DNAH8: variants seen among roughly 807,000 people sequenced by gnomAD.
The protein encoded by DNAH8 is axonemal beta dynein heavy chain 8.
Under a neutral mutation model 562.1 loss-of-function variants are expected in DNAH8, and 382 were observed. The ratio of observed to expected loss-of-function variants is 0.68; its 90% confidence interval spans 0.63 to 0.74. DNAH8 has a LOEUF of 0.74. Ranked by LOEUF, DNAH8 falls within the 30% of genes least tolerant of loss-of-function variation. The probability of loss-of-function intolerance (pLI) is 0.00; values close to 1 mark genes in which losing one functional copy is unlikely to be tolerated. For synonymous variants in DNAH8, 1,881 were observed against 1,919.4 expected, an observed-to-expected ratio of 0.98 and a Z score of 0.52; for missense variants, 5,203 against 5,620.4, an observed-to-expected ratio of 0.93 and a Z score of 2.37.
Position 38,830,030 on chromosome 6 carries a change from C to A in DNAH8, c.4188+1742C>A, listed in dbSNP as rs959498910. 5.9e-5 allele frequency among the ~76,000 whole-genome samples: 9 copies of A among 152,232 alleles called. 2 individuals are homozygous for A. The Middle Eastern group carries it at 0.017, about 288-fold the overall frequency. On this transcript the variant is annotated intron_variant, in intron 30 of 92. Transcript: ENST00000327475. ...CATTCCTAATTTTAGTAATTTGCAT[C>A]TTCTCTCCTTTATTCTTACTTAGTT...
In DNAH8 at chr6:38,815,645, A is replaced by G; in HGVS notation, c.3511A>G (p.Lys1171Glu). 1.2e-6 allele frequency: 2 copies of G among 1,612,190 alleles called. No homozygotes were observed. The highest frequency in any genetic ancestry group is 1.7e-6 in the Non-Finnish European group (2 of 1,178,744). Residue 1171 changes from lysine to glutamate, a missense_variant, in exon 26 of 93, where the codon AAG (lysine) becomes GAG (glutamate). Lys to Glu is a moderately conservative substitution (Grantham distance 56, BLOSUM62 1). This residue lies in a region of DNAH8 where 2,176 missense variants were observed against 2,365.1 expected (regional missense o/e 0.92). Transcript: ENST00000327475. ...VTHQNTGKLL[K>E]KEERSFEEAI... ...CCATCAAAACACAGGAAAACTGCTG[A>G]AGAAGGAAGAAAGTAAGAATGTAAA... is the stretch of plus-strand genomic sequence containing the variant.
chr6:38,722,330 C>A (rs72856596), intron 1 of DNAH8, among the ~76,000 whole-genome samples: 24,931 of 152,194 alleles, frequency 0.16, 2,677 homozygotes, highest in Middle Eastern at 0.28. Context: ...AAGCAAGGAA[C>A]CTTTAGAGTT....
At chr6:38,996,773 GGTGT>G (rs1765159334) in intron 88 of DNAH8, among the ~76,000 whole-genome samples, 1 of 152,168 alleles carries the variant, frequency 6.6e-6, no homozygotes, top group South Asian at 2.1e-4. Flanking sequence ...GCTGCAAACT[GGTGT>G]GTTAGAGAGG....
intron 11 of DNAH8, among the ~76,000 whole-genome samples, chr6:38,762,198 C>T (rs894853883): frequency 6.6e-6 from 1 of 152,088 alleles, no homozygotes; most frequent in Non-Finnish European, 1.5e-5. Context: ...TCTAACGTTT[C>T]CCCCATTTAG....
chr6:38,904,578 G>A (rs1214077942), intron 62 of DNAH8, among the ~76,000 whole-genome samples: 1 of 151,972 alleles, frequency 6.6e-6, no homozygotes, highest in Admixed American at 6.6e-5. Flanking sequence ...ATCACCTGAG[G>A]TGAGGAGTTC....
chr6:38,924,665 T>C (rs1781970345), intron 73 of DNAH8, among the ~76,000 whole-genome samples: 1 of 152,212 alleles, frequency 6.6e-6, no homozygotes, highest in South Asian at 2.1e-4. Flanking sequence ...CCAATTGCAT[T>C]GCTATGAACT....
At chr6:38,954,192 G>C (rs1275791964) in intron 82 of DNAH8, among the ~76,000 whole-genome samples, 1 of 152,126 alleles carries the variant, frequency 6.6e-6, no homozygotes, top group Non-Finnish European at 1.5e-5. Flanking sequence ...AAAGCAGATG[G>C]GTTTAGCACG....
In DNAH8 at chr6:38,814,052, A is replaced by G; in HGVS notation, c.3258-2A>G. ...ATCAGCTAAATGTCCATCTCATTGC[A>G]GCCTTTATGGGCGAAAGCAGTCAGA... On this transcript the variant is annotated splice_acceptor_variant, in intron 24 of 92. Coordinates refer to ENST00000327475, the MANE Select transcript of DNAH8 (RefSeq NM_001206927.2). LOFTEE classifies it high-confidence loss of function. 1 of 1,585,306 alleles carries G rather than the reference A, an allele frequency of 6.3e-7. No homozygotes were observed. Among genetic ancestry groups the G allele is most frequent in the Non-Finnish European group, 8.6e-7 (1 of 1,156,842 alleles).
chr6:38,969,169 T>C lies in DNAH8; in HGVS notation c.12452-2423T>C, dbSNP rs141978354. Among the ~76,000 whole-genome samples the C allele has an allele frequency of 3.5e-4, 53 of 152,284 alleles. 1 individual carries two copies. The East Asian group carries it at 0.01, about 29-fold the overall frequency. ...TTTCTTTTGGGGTTGATGAAAATGTTCTGGAATTAGATGATTTGATAGTAG... is the reference window on the plus strand; with the variant it reads ...TTTCTTTTGGGGTTGATGAAAATGTCCTGGAATTAGATGATTTGATAGTAG... On this transcript the variant is annotated intron_variant, in intron 82 of 92. Transcript: ENST00000327475.
intron 72 of DNAH8, 121 bp from the exon 73 acceptor site, chr6:38,923,870 C>A: frequency 8.8e-7 from 1 of 1,136,366 alleles, no homozygotes; most frequent in Admixed American, 2.2e-5. Flanking sequence ...TGCCTGGCTA[C>A]CAAGCATTAA....
chr6:38,833,908 A>C (rs1214454411), intron 31 of DNAH8, among the ~76,000 whole-genome samples: 1 of 152,214 alleles, frequency 6.6e-6, no homozygotes, highest in Non-Finnish European at 1.5e-5. Context: ...AATATACTTA[A>C]TAGCCTTCAT....
At chr6:38,938,352 A>G in intron 78 of DNAH8, 126 bp downstream of exon 78, 1 of 1,100,800 alleles carries the variant, frequency 9.1e-7, no homozygotes, top group South Asian at 1.5e-5. Context: ...AATGCCCATC[A>G]ACAGTAGAGT....
At chr6:38,771,263 A>G (rs934802421) in intron 12 of DNAH8, among the ~76,000 whole-genome samples, 1 of 152,218 alleles carries the variant, frequency 6.6e-6, no homozygotes, top group Non-Finnish European at 1.5e-5. Flanking sequence ...GCCTATTTTT[A>G]TTAGTAACTT....
At position 38,722,923 on chromosome 6, in the gene DNAH8, A is replaced by C. The variant is rs543402162; in HGVS notation, c.114A>C (p.Thr38=). The part of the protein sequence containing the change: ...SEEEEAPRPP[T]VEAPAEDGFS... ...AGGAAGAGGCCCCGCGCCCTCCGACAGTGGAGGCCCCGGCAGAAGATGGTT... is the reference window on the plus strand; with the variant it reads ...AGGAAGAGGCCCCGCGCCCTCCGACCGTGGAGGCCCCGGCAGAAGATGGTT... Residue 38 remains threonine (T), a synonymous_variant, in exon 2 of 93, where the codon ACA becomes ACC. Transcript: ENST00000327475. 6.2e-7 allele frequency: 1 copy of C among 1,612,496 alleles called. No homozygotes were observed. The highest frequency in any genetic ancestry group is 1.1e-5 in the South Asian group (1 of 91,062).
At chr6:39,005,775 T>G (rs750099906) in intron 88 of DNAH8, among the ~76,000 whole-genome samples, 2 of 152,246 alleles carry the variant, frequency 1.3e-5, no homozygotes, top group Non-Finnish European at 2.9e-5. Flanking sequence ...TCTTCTGGAT[T>G]TCATTGCTGC....
intron 52 of DNAH8, 26 bp downstream of exon 52, chr6:38,873,402 T>C: frequency 6.4e-7 from 1 of 1,557,030 alleles, no homozygotes; most frequent in Non-Finnish European, 8.6e-7. Flanking sequence ...GTACATTTAC[T>C]ACTTCGATTT....
rs560243698 is a variant in DNAH8 at position 38,761,584 on chromosome 6, C to A, written c.1516-118C>A. On this transcript the variant is annotated intron_variant, in intron 10 of 92. Coordinates refer to ENST00000327475, the MANE Select transcript of DNAH8 (RefSeq NM_001206927.2). ...GTACTGGGATTACAGGCATGAGCCA[C>A]TGCACTTGGCCCATAGGTTTATTCT... 2.6e-5 allele frequency: 14 copies of A among 541,372 alleles called. No homozygotes were observed. The South Asian group carries it at 5.4e-4, about 21-fold the overall frequency. 33.5% of individuals were successfully genotyped at this position (541,372 alleles called of 1,614,324 possible).
chr6:38,772,322 C>T (rs1379523818), intron 12 of DNAH8, among the ~76,000 whole-genome samples: 1 of 152,080 alleles, frequency 6.6e-6, no homozygotes, highest in Non-Finnish European at 1.5e-5. Flanking sequence ...GCCACCACGC[C>T]CAGCTGAGGT....
intron 32 of DNAH8, among the ~76,000 whole-genome samples, chr6:38,836,379 G>A (rs990390256): frequency 2.1e-4 from 32 of 151,448 alleles, no homozygotes; most frequent in Admixed American, 2.0e-3. Context: ...CCTGGGAGGC[G>A]AAGGTTGCAG....
Sources: gnomAD v4.1 joint callset for allele counts (sites outside exome capture counted in the v4.1 genomes callset) on GRCh38, gnomAD v4.1.1 for gene constraint, gnomAD v4.1.1 regional missense constraint, MANE v1.5 for transcripts, NCBI Gene and HGNC (gene_info 2026-07-23, HGNC 2026-07-21) for gene names.